MYH15: variants seen among roughly 807,000 people sequenced by gnomAD.
MYH15 encodes the protein myosin heavy chain 15.
MYH15 carries 227 observed loss-of-function variants against 240.5 expected under a neutral mutation model. The ratio of observed to expected loss-of-function variants is 0.94; its 90% CI spans 0.85 to 1.05. The LOEUF is 1.05. Ranked by LOEUF, MYH15 falls within the 50% of genes least tolerant of loss-of-function variation. The pLI, the probability that MYH15 is intolerant of heterozygous loss-of-function variation, is 0.00. For missense variants in MYH15, 2,217 were observed against 2,247.5 expected (o/e 0.99, Z 0.27); for synonymous variants, 785 against 796.7 (o/e 0.99, Z 0.25).
At chr3:108,534,410 T>C in the MYH15 span, among the ~76,000 whole-genome samples, 1 of 152,216 alleles carries the variant, frequency 6.6e-6, no homozygotes, top group African/African-American at 2.4e-5. Flanking sequence ...AAATTAAAAC[T>C]ATTTGGTCTT....
intron 38 of MYH15, 141 bp from the exon 39 acceptor site, chr3:108,384,923 T>G: frequency 1.5e-6 from 1 of 668,244 alleles, no homozygotes; most frequent in South Asian, 2.0e-5. Flanking sequence ...TGGGTTTAAC[T>G]CACCCAAGTT....
intron 31 of MYH15, 73 bp from the exon 32 acceptor site, chr3:108,408,477 G>C (rs2082563413): frequency 6.9e-7 from 1 of 1,447,508 alleles, no homozygotes; most frequent in African/African-American, 1.4e-5. Context: ...AGGCACAACA[G>C]ATTCTTCCAG....
the MYH15 span, chr3:108,543,317 T>C: frequency 6.6e-6 from 1 of 152,190 alleles, no homozygotes; most frequent in African/African-American, 2.4e-5. Flanking sequence ...TGAACATACA[T>C]GTGCATGTAT....
chr3:108,439,868 TG>T lies in MYH15; in HGVS notation c.2943del (p.Ser982AlafsTer31). 1 of 1,610,888 alleles carries T rather than the reference TG, an allele frequency of 6.2e-7. No homozygotes were observed. The highest frequency in any genetic ancestry group is 8.5e-7 in the Non-Finnish European group (1 of 1,178,856). The part of the protein sequence containing the change: ...TEEVEFLNED[I>X]SKLNRAAKVV... ...ACCTTGGCTGCTCTGTTAAGTTTGC[TG>T]ATATCCTCATTTAGAAACTCTACTT... On this transcript the variant is annotated frameshift_variant, in exon 24 of 41. Coordinates refer to ENST00000693548, the MANE Select transcript of MYH15 (RefSeq NM_014981.3). LOFTEE classifies it high-confidence loss of function.
intron 12 of MYH15, among the ~76,000 whole-genome samples, chr3:108,473,769 T>C (rs940697742): frequency 6.6e-6 from 1 of 152,224 alleles, no homozygotes; most frequent in Non-Finnish European, 1.5e-5. Context: ...ATACTAGACC[T>C]GAAGATCCTT....
At chr3:108,385,790 C>G (rs1017499565) in intron 38 of MYH15, among the ~76,000 whole-genome samples, 1 of 151,350 alleles carries the variant, frequency 6.6e-6, no homozygotes, top group Non-Finnish European at 1.5e-5. Flanking sequence ...TTCCATTCCC[C>G]CCACCACCAC....
At chr3:108,533,137 T>TTTTTC (rs57336631), upstream of MYH15, among the ~76,000 whole-genome samples, 1 of 132,746 alleles carries the variant, frequency 7.5e-6, no homozygotes, top group African/African-American at 2.8e-5. Flanking sequence ...TTTTTTTTTT[T>TTTTTC]CATGAGTATT....
chr3:108,385,580 C>T (rs2082377234), intron 38 of MYH15, among the ~76,000 whole-genome samples: 1 of 152,182 alleles, frequency 6.6e-6, no homozygotes. Context: ...CCTCTTTCCT[C>T]ATGCCCCTTT....
chr3:108,411,842 A>C (rs2107548788), intron 30 of MYH15, among the ~76,000 whole-genome samples: 1 of 152,326 alleles, frequency 6.6e-6, no homozygotes, highest in Non-Finnish European at 1.5e-5. Flanking sequence ...ATGTGGTAAT[A>C]AAGTCCCCTT....
At chr3:108,433,078 G>A (rs1394956491) in intron 25 of MYH15, among the ~76,000 whole-genome samples, 2 of 152,212 alleles carry the variant, frequency 1.3e-5, no homozygotes, top group African/African-American at 2.4e-5. Flanking sequence ...GCCCATGAAG[G>A]CAGCTGGGAG....
chr3:108,405,536 T>C (rs2082540234), intron 32 of MYH15, 83 bp from the exon 33 acceptor site: 1 of 812,590 alleles, frequency 1.2e-6, no homozygotes, highest in Non-Finnish European at 1.8e-6. Flanking sequence ...ATGTCGCTAA[T>C]GTAGCTCTCT....
At chr3:108,405,316 A>G (rs763305169) in intron 33 of MYH15, 22 bp downstream of exon 33, 2 of 1,356,424 alleles carry the variant, frequency 1.5e-6, no homozygotes, top group Middle Eastern at 2.7e-4. Flanking sequence ...TAATTGTTAC[A>G]CATCAAAATC....
chr3:108,533,176 A>G (rs1027248635), upstream of MYH15, among the ~76,000 whole-genome samples: 14 of 141,348 alleles, frequency 9.9e-5, no homozygotes, highest in African/African-American at 3.4e-4. Context: ...AATGGGCGAG[A>G]CCAAGTTTGC....
At chr3:108,472,768 C>T (rs2083187598) in intron 12 of MYH15, among the ~76,000 whole-genome samples, 1 of 152,166 alleles carries the variant, frequency 6.6e-6, no homozygotes, top group African/African-American at 2.4e-5. Context: ...TGGTAAAGGT[C>T]TGCTGAATGA....
chr3:108,462,331 G>A (rs1246869694), intron 16 of MYH15, among the ~76,000 whole-genome samples: 1 of 152,130 alleles, frequency 6.6e-6, no homozygotes, highest in African/African-American at 2.4e-5. Context: ...ATTCCTGGGA[G>A]ACAGTGAGTA....
rs895810750 is a variant in MYH15 at position 108,486,490 on chromosome 3, T to C, written c.908A>G (p.His303Arg). The change falls in exon 10 of 41, where the codon CAC becomes CGC. Residue 303 changes from histidine (H) to arginine (R), a missense_variant. Coordinates refer to ENST00000693548, the MANE Select transcript of MYH15 (RefSeq NM_014981.3). ...AGTAACTGCTCCACAGGAGCAAAAGTGGAAGTCTGAGGGATTTGCAGATAC... is the reference window on the plus strand; with the variant it reads ...AGTAACTGCTCCACAGGAGCAAAAGCGGAAGTCTGAGGGATTTGCAGATAC... The part of the protein sequence containing the change: ...LLVSANPSDF[H>R]FCSCGAVTVE... 1.9e-6 allele frequency: 3 copies of C among 1,612,402 alleles called. No individual in the cohort carries two copies. The Admixed American group carries it at 5.0e-5, about 27-fold the overall frequency.
chr3:108,510,723 G>A (rs553047142), upstream of MYH15: 34 of 820,382 alleles, frequency 4.1e-5, no homozygotes, highest in African/African-American at 3.4e-4. Flanking sequence ...CTTTCTCTTC[G>A]CTATGTCTCA....
rs1270264846 is a variant in MYH15 at position 108,495,831 on chromosome 3, C to T, written c.660G>A (p.Leu220=). ...GGGTTTTAGCATTTCCAAATGCTTC[C>T]AAGATAGTATTCGCTTGCATGATTT... ...EDQIMQANTI[L]EAFGNAKTLR... is the part of the protein sequence containing the mutation. Residue 220 remains leucine, a synonymous_variant, in exon 7 of 41, where the codon TTG becomes TTA. Transcript: ENST00000693548. The T allele has an allele frequency of 6.2e-7, 1 of 1,612,004 alleles. No homozygotes were observed. Among genetic ancestry groups the T allele is most frequent in the South Asian group, 1.1e-5 (1 of 90,626 alleles).
At chr3:108,383,292 A>G (rs2082356904) in intron 40 of MYH15, among the ~76,000 whole-genome samples, 1 of 152,048 alleles carries the variant, frequency 6.6e-6, no homozygotes, top group Non-Finnish European at 1.5e-5. Flanking sequence ...TGTTCCATGG[A>G]CTCCTGACTA....
Sources: gnomAD v4.1 joint callset for allele counts (sites outside exome capture counted in the v4.1 genomes callset) on GRCh38, gnomAD v4.1.1 for gene constraint, MANE v1.5 for transcripts, NCBI Gene and HGNC (gene_info 2026-07-23, HGNC 2026-07-21) for gene names.